The following DRC8 variants were observed in gnomAD, a reference collection of about 807,000 sequenced individuals.
The protein encoded by DRC8 is dynein regulatory complex protein 8.
the DRC8 span, among the ~76,000 whole-genome samples, chr1:245,076,967 C>A: frequency 6.6e-6 from 1 of 152,022 alleles, no homozygotes; most frequent in Non-Finnish European, 1.5e-5. Context: ...CCTCGTGATC[C>A]GCCCACCTTA....
chr1:244,994,449 A>C, the DRC8 span, among the ~76,000 whole-genome samples: 1 of 151,920 alleles, frequency 6.6e-6, no homozygotes. Context: ...TTTTTTTCTT[A>C]GATGGAGTCT....
chr1:244,969,794 G>T, the DRC8 span: 1 of 307,738 alleles, frequency 3.2e-6, no homozygotes, highest in African/African-American at 2.2e-5. Flanking sequence ...CTCTGGGAAA[G>T]GACGGTGAAG....
At chr1:245,054,898 A>G in the DRC8 span, among the ~76,000 whole-genome samples, 3 of 152,184 alleles carry the variant, frequency 2.0e-5, no homozygotes, top group African/African-American at 2.4e-5. Flanking sequence ...GTGACAAAGG[A>G]CTTCATTCCT....
chr1:245,002,097 C>T, the DRC8 span: 81 of 1,563,604 alleles, frequency 5.2e-5, no homozygotes, highest in Non-Finnish European at 6.8e-5. Flanking sequence ...ACCAAGTACT[C>T]TTCATGTGTC....
chr1:245,017,022 AC>A, the DRC8 span, among the ~76,000 whole-genome samples: 3 of 152,198 alleles, frequency 2.0e-5, no homozygotes. Flanking sequence ...AGATCAGTGC[AC>A]CTTTACCATA....
At chr1:244,994,812 T>C in the DRC8 span, among the ~76,000 whole-genome samples, 2 of 152,208 alleles carry the variant, frequency 1.3e-5, no homozygotes, top group East Asian at 3.8e-4. Context: ...TCTTTGCTAG[T>C]CTGAATGTTG....
At chr1:245,046,085 A>G in the DRC8 span, among the ~76,000 whole-genome samples, 1 of 152,176 alleles carries the variant, frequency 6.6e-6, no homozygotes, top group East Asian at 1.9e-4. Flanking sequence ...CAATTCACTT[A>G]ATTCAAAGTT....
chr1:245,039,874 G>T, the DRC8 span, among the ~76,000 whole-genome samples: 12 of 152,256 alleles, frequency 7.9e-5, no homozygotes, highest in African/African-American at 2.2e-4. Flanking sequence ...CATCATGTCA[G>T]GGAATACATG....
chr1:245,083,169 C>T, the DRC8 span, among the ~76,000 whole-genome samples: 1 of 152,132 alleles, frequency 6.6e-6, no homozygotes, highest in Non-Finnish European at 1.5e-5. Flanking sequence ...GTCTGAGAAG[C>T]ATTGGCATTA....
At chr1:245,122,627 G>GT in the DRC8 span, 54 of 151,396 alleles carry the variant, frequency 3.6e-4, no homozygotes, top group Middle Eastern at 3.4e-3. Context: ...CCCAGCTAAT[G>GT]TTTTTTTTTA....
At chr1:245,070,749 G>A in the DRC8 span, among the ~76,000 whole-genome samples, 2 of 152,100 alleles carry the variant, frequency 1.3e-5, no homozygotes, top group Non-Finnish European at 2.9e-5. Context: ...ATGATGCTGT[G>A]GTCAGAATGT....
the DRC8 span, among the ~76,000 whole-genome samples, chr1:245,065,912 G>A: frequency 3.1e-4 from 47 of 151,926 alleles, no homozygotes; most frequent in African/African-American, 6.8e-4. Flanking sequence ...TGGAGGGCAG[G>A]CAGTCACTTA....
chr1:245,107,534 A>G, the DRC8 span, among the ~76,000 whole-genome samples: 1 of 152,188 alleles, frequency 6.6e-6, no homozygotes, highest in Non-Finnish European at 1.5e-5. Context: ...CTGGCATCTA[A>G]GAGCTCTAGG....
At chr1:245,085,504 A>G in the DRC8 span, among the ~76,000 whole-genome samples, 1 of 152,176 alleles carries the variant, frequency 6.6e-6, no homozygotes, top group Non-Finnish European at 1.5e-5. Context: ...GTAGGAATGA[A>G]CATGCTATTT....
the DRC8 span, among the ~76,000 whole-genome samples, chr1:245,062,539 G>A: frequency 1.3e-5 from 2 of 152,162 alleles, no homozygotes; most frequent in Admixed American, 6.5e-5. Flanking sequence ...TTATTTAGAG[G>A]TCTATGTCTT....
chr1:245,005,426 C>T, the DRC8 span, among the ~76,000 whole-genome samples: 3 of 151,454 alleles, frequency 2.0e-5, no homozygotes, highest in Admixed American at 6.6e-5. Flanking sequence ...TCTCGGCTCA[C>T]TGTAACCTCT....
the DRC8 span, among the ~76,000 whole-genome samples, chr1:245,114,664 A>AT: frequency 6.6e-6 from 1 of 152,152 alleles, no homozygotes; most frequent in African/African-American, 2.4e-5. Flanking sequence ...AATAGGGCAG[A>AT]TTTTTTATTT....
chr1:244,992,529 A>C, the DRC8 span, among the ~76,000 whole-genome samples: 1 of 152,200 alleles, frequency 6.6e-6, no homozygotes, highest in East Asian at 1.9e-4. Flanking sequence ...ACAGGAGGCC[A>C]GGAGTTTGAG....
chr1:244,970,494 C>T, the DRC8 span: 46 of 1,516,586 alleles, frequency 3.0e-5, no homozygotes, highest in Non-Finnish European at 3.9e-5. Flanking sequence ...GCCGCGACCC[C>T]GGGCTGCACG....
Sources: gnomAD v4.1 joint callset for allele counts (sites outside exome capture counted in the v4.1 genomes callset) on GRCh38, gnomAD v4.1.1 for gene constraint, MANE v1.5 for transcripts, NCBI Gene and HGNC (gene_info 2026-07-23, HGNC 2026-07-21) for gene names.